Variants in PTPRM observed in about 807,000 individuals in gnomAD.
The protein encoded by PTPRM is protein tyrosine phosphatase receptor type M, also known as receptor-type tyrosine-protein phosphatase mu.
PTPRM carries 47 observed loss-of-function variants against 186.7 expected under a neutral mutation model. The observed-to-expected ratio is 0.25, with a 90% confidence interval of 0.20 to 0.32. The LOEUF is 0.32. Ranked by LOEUF, PTPRM falls within the 10% of genes least tolerant of loss-of-function variation. The pLI is 1.00. For missense variants in PTPRM, 1,494 were observed against 1,865.0 expected (o/e 0.80, Z 3.66); for synonymous variants, 668 against 674.9 (o/e 0.99, Z 0.16).
chr18:8,160,714 C>G (rs2093214236), intron 14 of PTPRM, among the ~76,000 whole-genome samples: 1 of 152,182 alleles, frequency 6.6e-6, no homozygotes, highest in African/African-American at 2.4e-5. Context: ...GGCTAGGCTG[C>G]AGCCTAGTAA....
chr18:8,127,583 A>G (rs1348635845), intron 13 of PTPRM, among the ~76,000 whole-genome samples: 2 of 152,074 alleles, frequency 1.3e-5, no homozygotes, highest in Middle Eastern at 3.4e-3. Context: ...AGGAGGGGCA[A>G]CTGGACCAAG....
At chr18:7,825,445 TTCTGC>T (rs1471641782) in intron 2 of PTPRM, among the ~76,000 whole-genome samples, 15 of 152,288 alleles carry the variant, frequency 9.8e-5, no homozygotes, top group African/African-American at 3.6e-4. Context: ...GTTTGGCAAC[TTCTGC>T]TCTAACGGTA....
chr18:7,885,119 GCCCTGAACCCCAGA>G (rs1360195365), intron 2 of PTPRM, among the ~76,000 whole-genome samples: 2 of 151,820 alleles, frequency 1.3e-5, no homozygotes, highest in Non-Finnish European at 2.9e-5. Context: ...ACCATCCTTG[GCCCTGAACCCCAGA>G]CCCTGAACCC....
intron 1 of PTPRM, among the ~76,000 whole-genome samples, chr18:7,731,461 A>T (rs182020735): frequency 2.7e-4 from 41 of 152,302 alleles, no homozygotes; most frequent in Admixed American, 2.2e-3. Flanking sequence ...TTTTAGGGCC[A>T]TAGAATAGTA....
intron 1 of PTPRM, among the ~76,000 whole-genome samples, chr18:7,724,821 TG>T (rs2040514120): frequency 1.3e-5 from 2 of 152,182 alleles, no homozygotes; most frequent in South Asian, 4.1e-4. Flanking sequence ...TGACTCATAA[TG>T]TTAGTTTTAA....
chr18:8,275,273 C>CA (rs1157634211), intron 19 of PTPRM, among the ~76,000 whole-genome samples: 3 of 151,356 alleles, frequency 2.0e-5, no homozygotes, highest in South Asian at 2.1e-4. Context: ...ACCCCGTCTC[C>CA]AAAAAAAAGA....
At chr18:8,200,010 AC>A (rs975298424) in intron 14 of PTPRM, among the ~76,000 whole-genome samples, 2 of 152,142 alleles carry the variant, frequency 1.3e-5, no homozygotes, top group African/African-American at 4.8e-5. Context: ...AAATATTGCT[AC>A]TCATGCCCAA....
At chr18:8,101,824 T>G (rs1195074564) in intron 11 of PTPRM, among the ~76,000 whole-genome samples, 1 of 152,162 alleles carries the variant, frequency 6.6e-6, no homozygotes, top group East Asian at 1.9e-4. Context: ...CTTTGCTTGA[T>G]CAGAAGACAT....
chr18:7,814,923 T>C, intron 2 of PTPRM: 1 of 152,194 alleles, frequency 6.6e-6, no homozygotes, highest in Non-Finnish European at 1.5e-5. Flanking sequence ...CAGTCTTAAA[T>C]CTTGAGAAAG....
chr18:7,841,448 C>T lies in PTPRM; in HGVS notation c.197-46658C>T, dbSNP rs532165868. On this transcript the variant is annotated intron_variant, in intron 2 of 32. Transcript: ENST00000580170. Reference sequence around the variant, plus strand: ...CTGGGACTACAGGCACCTGCCACCACGCCAGGCTAGTTTTTTTGTATATTT... The same window carrying T: ...CTGGGACTACAGGCACCTGCCACCATGCCAGGCTAGTTTTTTTGTATATTT... Among the ~76,000 whole-genome samples, 12 of 152,006 alleles carry T rather than the reference C, an allele frequency of 7.9e-5. 1 individual carries two copies. Among genetic ancestry groups the T allele is most frequent in the South Asian group, 2.1e-4 (1 of 4,818 alleles).
chr18:7,653,158 T>C (rs1170616336), intron 1 of PTPRM, among the ~76,000 whole-genome samples: 2 of 150,718 alleles, frequency 1.3e-5, no homozygotes, highest in African/African-American at 4.9e-5. Context: ...ATTATCATTA[T>C]TGTTTTAAGA....
intron 1 of PTPRM, among the ~76,000 whole-genome samples, chr18:7,706,433 C>CA (rs1444483811): frequency 6.6e-6 from 1 of 150,644 alleles, no homozygotes; most frequent in Non-Finnish European, 1.5e-5. Flanking sequence ...CCTACTTCTA[C>CA]AAAAAAATAA....
chr18:8,339,072 C>A (rs1488759154), intron 22 of PTPRM, among the ~76,000 whole-genome samples: 1 of 152,066 alleles, frequency 6.6e-6, no homozygotes, highest in East Asian at 1.9e-4. Context: ...TTTTTGATAT[C>A]TCTCACTTCC....
At chr18:8,176,566 A>G (rs1370224062) in intron 14 of PTPRM, among the ~76,000 whole-genome samples, 2 of 152,246 alleles carry the variant, frequency 1.3e-5, no homozygotes, top group African/African-American at 2.4e-5. Flanking sequence ...AACCCAAAAG[A>G]AAGTTCTCTG....
In PTPRM at chr18:8,239,056, A is replaced by G. The variant is rs991695229; in HGVS notation, c.2301-5002A>G. ...CATGTGCACAATGTGCAGGTTAGTT[A>G]CATATGTATACATGTGCCATGCTGG... On this transcript the variant is annotated intron_variant, in intron 14 of 32. Transcript: ENST00000580170. Among the ~76,000 whole-genome samples, 17 of 149,706 alleles carry G rather than the reference A, an allele frequency of 1.1e-4. 1 individual carries two copies. The highest frequency in any genetic ancestry group is 7.0e-3 in the Middle Eastern group (2 of 286).
chr18:8,370,302 C>G (rs1038040474), intron 23 of PTPRM, among the ~76,000 whole-genome samples: 1 of 152,120 alleles, frequency 6.6e-6, no homozygotes, highest in Non-Finnish European at 1.5e-5. Flanking sequence ...CAAAATTCTT[C>G]CACCTGAGAT....
At chr18:7,680,420 G>A (rs2039454004) in intron 1 of PTPRM, among the ~76,000 whole-genome samples, 2 of 152,092 alleles carry the variant, frequency 1.3e-5, no homozygotes, top group African/African-American at 4.8e-5. Flanking sequence ...GCCTTAGTGT[G>A]TTGTAAACAC....
At chr18:8,257,479 A>G (rs1296290468) in intron 19 of PTPRM, among the ~76,000 whole-genome samples, 2 of 152,230 alleles carry the variant, frequency 1.3e-5, no homozygotes, top group Non-Finnish European at 2.9e-5. Flanking sequence ...ATTTTAAAAT[A>G]TTATTTGTAT....
intron 14 of PTPRM, among the ~76,000 whole-genome samples, chr18:8,172,066 G>T (rs1358563808): frequency 6.6e-6 from 1 of 152,096 alleles, no homozygotes; most frequent in South Asian, 2.1e-4. Context: ...GTCAGGGACC[G>T]TCTACAATTG....
Sources: gnomAD v4.1 joint callset for allele counts (sites outside exome capture counted in the v4.1 genomes callset) on GRCh38, gnomAD v4.1.1 for gene constraint, MANE v1.5 for transcripts, NCBI Gene and HGNC (gene_info 2026-07-23, HGNC 2026-07-21) for gene names.